CAMTA1: variants seen among roughly 807,000 people sequenced by gnomAD.
CAMTA1 encodes the protein calmodulin-binding transcription activator 1.
CAMTA1 carries 27 observed loss-of-function variants against 170.9 expected under a neutral mutation model. That is an observed-to-expected ratio of 0.16 (90% confidence interval 0.12 to 0.22). The LOEUF (loss-of-function observed/expected upper bound fraction) is 0.22. Among genes scored for constraint, CAMTA1 ranks in the 10% least tolerant of loss-of-function variants. CAMTA1 has a pLI of 1.00. For synonymous variants in CAMTA1, 833 were observed against 891.5 expected (o/e 0.93, Z 1.17); for missense variants, 1,619 against 2,217.2 (o/e 0.73, Z 5.42).
At chr1:7,188,778 C>T (rs953218326) in intron 4 of CAMTA1, among the ~76,000 whole-genome samples, 3 of 152,178 alleles carry the variant, frequency 2.0e-5, no homozygotes. Flanking sequence ...CATAGGTGTA[C>T]ACATGTTTGT....
intron 1 of CAMTA1, among the ~76,000 whole-genome samples, chr1:6,800,082 G>A (rs925406587): frequency 6.6e-6 from 1 of 152,026 alleles, no homozygotes; most frequent in African/African-American, 2.4e-5. Context: ...AATTTTTTAG[G>A]TCTGTCTGTT....
chr1:7,486,375 G>A (rs145251846), intron 6 of CAMTA1, among the ~76,000 whole-genome samples: 11 of 152,320 alleles, frequency 7.2e-5, no homozygotes, highest in Middle Eastern at 6.8e-3. Context: ...TCATGAGCCA[G>A]TACAGGCCAG....
chr1:7,150,403 G>T (rs1646504190), intron 4 of CAMTA1, among the ~76,000 whole-genome samples: 1 of 152,190 alleles, frequency 6.6e-6, no homozygotes, highest in Non-Finnish European at 1.5e-5. Flanking sequence ...CAGAGCGGGG[G>T]CAAGCAGATG....
chr1:7,145,722 A>G (rs1646142976), intron 4 of CAMTA1, among the ~76,000 whole-genome samples: 1 of 152,230 alleles, frequency 6.6e-6, no homozygotes, highest in Non-Finnish European at 1.5e-5. Context: ...CTGTGAGCAC[A>G]GAGGGGCCGG....
intron 5 of CAMTA1, among the ~76,000 whole-genome samples, chr1:7,432,393 TTTCTGTGG>T (rs2092202278): frequency 6.6e-6 from 1 of 152,194 alleles, no homozygotes; most frequent in African/African-American, 2.4e-5. Context: ...CCAGGAGGCC[TTTCTGTGG>T]GTGTTTAACA....
At chr1:6,806,531 C>T (rs1245812504) in intron 1 of CAMTA1, among the ~76,000 whole-genome samples, 5 of 152,162 alleles carry the variant, frequency 3.3e-5, no homozygotes, top group African/African-American at 1.2e-4. Flanking sequence ...GCCTTAAAAA[C>T]ACAAAATTTT....
rs982369140 is a variant in CAMTA1 at position 6,934,258 on chromosome 1, G to A, written c.234+109048G>A. On this transcript the variant is annotated intron_variant, in intron 3 of 22. Coordinates refer to ENST00000303635, the MANE Select transcript of CAMTA1 (RefSeq NM_015215.4). The surrounding 1 kb of genome is among the most constrained non-coding windows in gnomAD (Gnocchi z 4.5). ...TTTTGGCTGAGCCCAGGTGTCCTCT[G>A]AGAAATGTGGACCGGAAGGATGAGG... Among the ~76,000 whole-genome samples the A allele has an allele frequency of 2.0e-5, 3 of 152,220 alleles. No individual in the cohort carries two copies. The highest frequency in any genetic ancestry group is 2.9e-5 in the Non-Finnish European group (2 of 68,032).
At chr1:7,413,431 T>C (rs1372214327) in intron 5 of CAMTA1, among the ~76,000 whole-genome samples, 1 of 152,190 alleles carries the variant, frequency 6.6e-6, no homozygotes, top group Non-Finnish European at 1.5e-5. Flanking sequence ...TTTTATTTCA[T>C]TGAGCAGTGG....
At chr1:7,589,039 G>A (rs537713333) in intron 6 of CAMTA1, among the ~76,000 whole-genome samples, 1 of 152,320 alleles carries the variant, frequency 6.6e-6, no homozygotes, top group African/African-American at 2.4e-5. Flanking sequence ...CATTTTAACT[G>A]CTTCCATTAG....
At chr1:6,869,008 C>G (rs1466076086) in intron 3 of CAMTA1, among the ~76,000 whole-genome samples, 1 of 152,214 alleles carries the variant, frequency 6.6e-6, no homozygotes, top group Non-Finnish European at 1.5e-5. Flanking sequence ...CTTCCTTGAG[C>G]TAGACTAGCT....
intron 5 of CAMTA1, among the ~76,000 whole-genome samples, chr1:7,310,680 C>CTTTCTTTCTTTCTT (rs71571884): frequency 1.7e-4 from 6 of 35,384 alleles, no homozygotes; most frequent in Non-Finnish European, 2.5e-4. Context: ...TCCTTTCTTT[C>CTTTCTTTCTTTCTT]TCTCTCTCTC....
At chr1:7,690,486 G>T (rs1245651502) in intron 11 of CAMTA1, among the ~76,000 whole-genome samples, 2 of 152,218 alleles carry the variant, frequency 1.3e-5, no homozygotes, top group Non-Finnish European at 2.9e-5. Context: ...ACCCCATTTG[G>T]TGGTCTTGAG....
chr1:7,766,629 T>C lies in CAMTA1; in HGVS notation c.*138T>C, dbSNP rs1003604374. 24 of 731,788 alleles carry C rather than the reference T, an allele frequency of 3.3e-5. No individual in the cohort carries two copies. Among genetic ancestry groups the C allele is most frequent in the South Asian group, 1.1e-4 (6 of 57,108 alleles). The allele number at this position is 731,788 out of a possible 1,614,324, so 45.3% of individuals were successfully genotyped here. On this transcript the variant is annotated 3_prime_UTR_variant, in exon 23 of 23. Coordinates refer to ENST00000303635, the MANE Select transcript of CAMTA1 (RefSeq NM_015215.4). ...CACGTACACACACATACAAAATCCC[T>C]CTGCAGTTTTGGGGAGATCAGCTGC...
At chr1:6,835,161 G>A (rs891582474) in intron 3 of CAMTA1, among the ~76,000 whole-genome samples, 1 of 152,170 alleles carries the variant, frequency 6.6e-6, no homozygotes, top group Admixed American at 6.5e-5. Context: ...TTGACCTTTT[G>A]TCCAAGTCAT....
At position 7,501,363 on chromosome 1, in the gene CAMTA1, G is replaced by A. The variant is rs116703186; in HGVS notation, c.510+33462G>A. ...AACGGCCTTTGTTCCCGGGATCTCCGGACCAGATGTGCCCTCACAGCTGCT... is the reference window on the plus strand; with the variant it reads ...AACGGCCTTTGTTCCCGGGATCTCCAGACCAGATGTGCCCTCACAGCTGCT... On this transcript the variant is annotated intron_variant, in intron 6 of 22. Coordinates refer to ENST00000303635, the MANE Select transcript of CAMTA1 (RefSeq NM_015215.4). Among the ~76,000 whole-genome samples, 301 of 152,284 alleles carry A rather than the reference G, an allele frequency of 2.0e-3. 3 individuals carry two copies. Among genetic ancestry groups the A allele is most frequent in the African/African-American group, 7.0e-3 (289 of 41,560 alleles).
chr1:7,202,545 C>A (rs773517638), intron 4 of CAMTA1, among the ~76,000 whole-genome samples: 26 of 152,006 alleles, frequency 1.7e-4, no homozygotes, highest in Non-Finnish European at 2.5e-4. Context: ...TTATTTAGGT[C>A]TTTTTAAATT....
At chr1:7,686,795 G>C (rs931868344) in intron 11 of CAMTA1, among the ~76,000 whole-genome samples, 1 of 152,132 alleles carries the variant, frequency 6.6e-6, no homozygotes, top group African/African-American at 2.4e-5. Context: ...GGACAGGGTG[G>C]GTTTGGGGTT....
At chr1:7,058,777 T>C (rs1036089524) in intron 3 of CAMTA1, among the ~76,000 whole-genome samples, 1 of 152,206 alleles carries the variant, frequency 6.6e-6, no homozygotes, top group Non-Finnish European at 1.5e-5. Context: ...CTAGCTGTTA[T>C]CCTGGTGCCA....
In CAMTA1 at chr1:6,958,078, G is replaced by A. The variant is rs998984179; in HGVS notation, c.234+132868G>A. ...GGTCTTTCGTGAACAAAACCCAGGA[G>A]TGGACATACCCCATGGCTTCCCAGA... On this transcript the variant is annotated intron_variant, in intron 3 of 22. Coordinates refer to ENST00000303635, the MANE Select transcript of CAMTA1 (RefSeq NM_015215.4). Among the ~76,000 whole-genome samples the A allele has an allele frequency of 2.0e-5, 3 of 152,194 alleles. No homozygotes were observed. The East Asian group carries it at 5.8e-4, about 29-fold the overall frequency.
Sources: allele counts gnomAD v4.1 joint callset (sites outside exome capture counted in the v4.1 genomes callset), GRCh38; gene constraint gnomAD v4.1.1; non-coding constraint Gnocchi (gnomAD v3.1); transcripts MANE v1.5; gene names NCBI Gene and HGNC (gene_info 2026-07-23, HGNC 2026-07-21).